Variants in HSPG2 observed in about 807,000 individuals in gnomAD.
The protein encoded by HSPG2 is basement membrane-specific heparan sulfate proteoglycan core protein.
In HSPG2, 278 loss-of-function variants were observed where a neutral mutation model predicts 526.6. That is an observed-to-expected ratio of 0.53 (90% CI 0.48 to 0.58). HSPG2 has a LOEUF of 0.58. Ranked by LOEUF, HSPG2 falls within the 20% of genes least tolerant of loss-of-function variation. The probability of loss-of-function intolerance (pLI) is 0.00; values close to 1 mark genes in which losing one functional copy is unlikely to be tolerated. For synonymous variants in HSPG2, 2,465 were observed against 2,555.4 expected, an observed-to-expected ratio of 0.96 and a Z score of 1.07; for missense variants, 5,354 against 6,099.5, an observed-to-expected ratio of 0.88 and a Z score of 4.07.
rs752313111 is a variant in HSPG2 at position 21,828,906 on chromosome 1, C to T, written c.12166G>A (p.Gly4056Ser). 2 of 1,559,946 alleles carry T rather than the reference C, an allele frequency of 1.3e-6. No individual in the cohort carries two copies. Among genetic ancestry groups the T allele is most frequent in the Non-Finnish European group, 1.7e-6 (2 of 1,151,912 alleles). Reference sequence around the variant, plus strand: ...GACAGTGGCACGGAAGGCTCCACACCCCCCAGGTAGAGCAGGGTGTGCAGG... The same window carrying T: ...GACAGTGGCACGGAAGGCTCCACACTCCCCAGGTAGAGCAGGGTGTGCAGG... ...LNLHTLLYLG[G>S]VEPSVPLSPA... is the part of the protein sequence containing the mutation. Residue 4056 changes from glycine (G) to serine (S), a missense_variant, in exon 88 of 97, where the codon GGT (glycine) becomes AGT (serine). Gly to Ser is a moderately conservative substitution (Grantham distance 56). Transcript: ENST00000374695. The surrounding 1 kb of genome is among the most constrained non-coding windows in gnomAD (Gnocchi z 6.0).
At chr1:21,840,213 T>C (rs2098043166) in intron 71 of HSPG2, among the ~76,000 whole-genome samples, 196 bp from the exon 72 acceptor site, 5 of 152,282 alleles carry the variant, frequency 3.3e-5, no homozygotes, top group Admixed American at 2.6e-4. Context: ...ATCTGGCTCA[T>C]TGCAACCTCT....
intron 1 of HSPG2, among the ~76,000 whole-genome samples, chr1:21,934,206 G>A (rs970581401): frequency 6.6e-6 from 1 of 152,234 alleles, no homozygotes; most frequent in African/African-American, 2.4e-5. Context: ...GCTCCCTAAG[G>A]CCCATCTCAC....
In HSPG2 at chr1:21,848,478, C is replaced by A. The variant is rs762636181; in HGVS notation, c.7737+165G>T. Reference sequence around the variant, plus strand: ...AGTGGATCTCCCTGAGGTCAGGGAGCCTTATTTCTGTATTCTCAGCACTGG... The same window carrying A: ...AGTGGATCTCCCTGAGGTCAGGGAGACTTATTTCTGTATTCTCAGCACTGG... On this transcript the variant is annotated intron_variant, in intron 59 of 96. Transcript: ENST00000374695. The surrounding 1 kb of genome is among the most constrained non-coding windows in gnomAD (Gnocchi z 4.9). 1.3e-5 allele frequency among the ~76,000 whole-genome samples: 2 copies of A among 152,030 alleles called. No homozygotes were observed. The highest frequency in any genetic ancestry group is 2.4e-5 in the African/African-American group (1 of 41,382).
Position 21,847,373 on chromosome 1 carries a change from A to G in HSPG2, c.8145T>C (p.Pro2715=). 6.2e-7 allele frequency: 1 copy of G among 1,613,866 alleles called. No homozygotes were observed. Among genetic ancestry groups the G allele is most frequent in the Non-Finnish European group, 8.5e-7 (1 of 1,180,002 alleles). ...LEASIVISVS[P]SAGSPSAPGS... is the part of the protein sequence containing the mutation. The stretch of plus-strand genomic sequence containing the variant: ...ACTCACCGGAGGGGCTGCCGGCGCT[A>G]GGGGAGACGGAGATGACGATGGAGG... Residue 2715 remains proline (P), a synonymous_variant, in exon 62 of 97, where the codon CCT becomes CCC. Coordinates refer to ENST00000374695, the MANE Select transcript of HSPG2 (RefSeq NM_005529.7). The surrounding 1 kb of genome is among the most constrained non-coding windows in gnomAD (Gnocchi z 4.1).
chr1:21,869,666 G>C, intron 33 of HSPG2: 3 of 986,006 alleles, frequency 3.0e-6, no homozygotes, highest in Non-Finnish European at 3.6e-6. Context: ...TCGTCCACCT[G>C]GGGGACCAGG....
In HSPG2 at chr1:21,833,586, C is replaced by A; in HGVS notation, c.10859G>T (p.Arg3620Leu). 3 of 1,614,068 alleles carry A rather than the reference C, an allele frequency of 1.9e-6. No individual in the cohort carries two copies. The highest frequency in any genetic ancestry group is 2.5e-6 in the Non-Finnish European group (3 of 1,180,002). ...KLDGSLPPDSRLENNMLMLPS... is the reference protein window; with the variant it reads ...KLDGSLPPDSLLENNMLMLPS... ...CAGCATCAGCATGTTGTTCTCCAGG[C>A]GGCTGTCAGGTGGCAGGCTGCCATC... The change falls in exon 79 of 97, where the codon CGC (arginine) becomes CTC (leucine). Residue 3620 changes from arginine (R) to leucine (L), a missense_variant. By Grantham distance (102) the Arg-to-Leu change is moderately radical (BLOSUM62 -2). Coordinates refer to ENST00000374695, the MANE Select transcript of HSPG2 (RefSeq NM_005529.7).
rs762443386 is a variant in HSPG2, at chr1:21,874,456, T to C, written c.3606A>G (p.Thr1202=). The change falls in exon 28 of 97, where the codon ACA becomes ACG. Residue 1202 remains threonine (T), a synonymous_variant. Transcript: ENST00000374695. ...PGYYGDAQRG[T]PQDCQLCPCY... Reference sequence around the variant, plus strand: ...AGGGGCACAGCTGGCAGTCCTGTGGTGTCCCCCGCTGGGCGTCCCCGTAGT... The same window carrying C: ...AGGGGCACAGCTGGCAGTCCTGTGGCGTCCCCCGCTGGGCGTCCCCGTAGT... 4 of 1,612,082 alleles carry C rather than the reference T, an allele frequency of 2.5e-6. No individual in the cohort carries two copies. In the Admixed American group the frequency reaches 6.7e-5, roughly 27 times the overall value.
rs755849389 is a variant in HSPG2 at position 21,823,688 on chromosome 1, C to A, written c.12931G>T (p.Gly4311Cys). ...EGRRGSIQVD[G>C]EELVSGRSPG... ...GACCGGCCGCTGACCAGCTCCTCAC[C>A]GTCGACTTGGATGGAACCTCTGCGG... is the stretch of plus-strand genomic sequence containing the variant. The change falls in exon 96 of 97, where the codon GGT becomes TGT. Residue 4311 changes from glycine (G) to cysteine (C), a missense_variant. By Grantham distance (159) the Gly-to-Cys change is radical (BLOSUM62 -3). Transcript: ENST00000374695. 2 of 1,613,668 alleles carry A rather than the reference C, an allele frequency of 1.2e-6. No individual in the cohort carries two copies. Among genetic ancestry groups the A allele is most frequent in the Non-Finnish European group, 1.7e-6 (2 of 1,180,008 alleles).
At position 21,890,790 on chromosome 1, in the gene HSPG2, C is replaced by G. The variant is rs949293493; in HGVS notation, c.245-96G>C. The G allele has an allele frequency of 9.0e-6, 8 of 886,132 alleles. No homozygotes were observed. The highest frequency in any genetic ancestry group is 1.5e-5 in the Non-Finnish European group (8 of 541,416). The allele number at this position is 886,132 out of a possible 1,614,324, so 54.9% of individuals were successfully genotyped here. A position where few individuals can be genotyped will look rare whatever the true frequency, so the allele number is the denominator to read the frequency against. On this transcript the variant is annotated intron_variant, in intron 3 of 96. Transcript: ENST00000374695. The surrounding 1 kb of genome is among the most constrained non-coding windows in gnomAD (Gnocchi z 4.1). The stretch of plus-strand genomic sequence containing the variant: ...TTCAGGCAGAGTTGGGGGGATGGCC[C>G]CCAGAGGCCTCCCTCGAGGCTGACA...
intron 1 of HSPG2, among the ~76,000 whole-genome samples, chr1:21,903,229 C>T (rs1015671003): frequency 2.6e-5 from 4 of 152,240 alleles, no homozygotes; most frequent in African/African-American, 7.2e-5. Context: ...CTAGGTCACA[C>T]GGGCCCTGAA....
chr1:21,830,074 C>T lies in HSPG2; in HGVS notation c.11689G>A (p.Ala3897Thr), dbSNP rs545391821. 26 of 1,599,924 alleles carry T rather than the reference C, an allele frequency of 1.6e-5. No individual in the cohort carries two copies. In the East Asian group the frequency reaches 2.0e-4, roughly 12 times the overall value. Residue 3897 changes from alanine (A) to threonine (T), a missense_variant, in exon 86 of 97, where the codon GCC (alanine) becomes ACC (threonine). Ala to Thr is a moderately conservative substitution (Grantham distance 58, BLOSUM62 0). Coordinates refer to ENST00000374695, the MANE Select transcript of HSPG2 (RefSeq NM_005529.7). ...CCGTCAGGCCGGTTCACACAGGTGG[C>T]GTCGGGCCCACAGGCCTCTGGGGGG... Reference protein sequence around the residue: ...HCHPEACGPDATCVNRPDGRG... With the variant: ...HCHPEACGPDTTCVNRPDGRG...
Position 21,862,054 on chromosome 1 carries a change from T to A in HSPG2, c.4802A>T (p.Asp1601Val), listed in dbSNP as rs1639830827. The A allele has an allele frequency of 6.2e-7, 1 of 1,614,146 alleles. No homozygotes were observed. Among genetic ancestry groups the A allele is most frequent in the Non-Finnish European group, 8.5e-7 (1 of 1,180,018 alleles). The change falls in exon 38 of 97, where the codon GAT becomes GTT. Residue 1601 changes from aspartate to valine, a missense_variant. Coordinates refer to ENST00000374695, the MANE Select transcript of HSPG2 (RefSeq NM_005529.7). ...GTCCTCAGGCGTCCCGGCTGTGGCA[T>A]CTCCGTAGTAGCCAGGGGCACAAAG... ...CELCAPGYYG[D>V]ATAGTPEDCQ...
In HSPG2 at chr1:21,895,348, G is replaced by C. The variant is rs573103606; in HGVS notation, c.244+574C>G. On this transcript the variant is annotated intron_variant, in intron 3 of 96. Coordinates refer to ENST00000374695, the MANE Select transcript of HSPG2 (RefSeq NM_005529.7). The surrounding 1 kb of genome is among the most constrained non-coding windows in gnomAD (Gnocchi z 4.1). ...AGTGCTGGGCCAGTCTGACCAGGGT[G>C]GGGGCTGACTCTCCTCCCTCCAAGA... Among the ~76,000 whole-genome samples the C allele has an allele frequency of 2.6e-5, 4 of 152,178 alleles. No homozygotes were observed. Among genetic ancestry groups the C allele is most frequent in the Non-Finnish European group, 4.4e-5 (3 of 68,010 alleles).
intron 1 of HSPG2, among the ~76,000 whole-genome samples, chr1:21,934,576 C>T (rs1268422544): frequency 6.8e-6 from 1 of 145,996 alleles, no homozygotes; most frequent in African/African-American, 2.5e-5. Flanking sequence ...TGAGACCAGC[C>T]TGGGCAACAA....
At chr1:21,908,715 C>T (rs1218742893) in intron 1 of HSPG2, 2 of 505,644 alleles carry the variant, frequency 4.0e-6, no homozygotes, top group Non-Finnish European at 6.9e-6. Context: ...CTTAAACGAC[C>T]CCAAAGCTTC....
At chr1:21,906,972 G>T (rs1228519871) in intron 1 of HSPG2, among the ~76,000 whole-genome samples, 1 of 152,184 alleles carries the variant, frequency 6.6e-6, no homozygotes, top group East Asian at 1.9e-4. Flanking sequence ...AAGGCCCCAT[G>T]GAAGGAAAAG....
intron 69 of HSPG2, 97 bp from the exon 70 acceptor site, chr1:21,841,770 C>T (rs2098049516): frequency 6.7e-7 from 1 of 1,503,518 alleles, no homozygotes; most frequent in Non-Finnish European, 9.2e-7. Context: ...CTTCCCCAAT[C>T]CCTCCGGCCT....
Position 21,841,152 on chromosome 1 carries a change from G to A in HSPG2, c.9462C>T (p.Ala3154=). Residue 3154 remains alanine (A), a synonymous_variant, in exon 71 of 97, where the codon GCC becomes GCT. Coordinates refer to ENST00000374695, the MANE Select transcript of HSPG2 (RefSeq NM_005529.7). ...GCCCATATGTCCGCTGCTCCAACTTGGCAGGGGTGCTGCTGATCCGGGTCC... is the reference window on the plus strand; with the variant it reads ...GCCCATATGTCCGCTGCTCCAACTTAGCAGGGGTGCTGCTGATCCGGGTCC... ...ARWTRISSTP[A]KLEQRTYGLM... 2 of 1,613,698 alleles carry A rather than the reference G, an allele frequency of 1.2e-6. No homozygotes were observed. The highest frequency in any genetic ancestry group is 1.7e-6 in the Non-Finnish European group (2 of 1,179,998).
Position 21,846,529 on chromosome 1 carries a change from A to G in HSPG2, c.8235T>C (p.Asp2745=). The change falls in exon 63 of 97, where the codon GAT becomes GAC. Residue 2745 remains aspartate (D), a synonymous_variant. Transcript: ENST00000374695. The part of the protein sequence containing the change: ...SSHVAEGETL[D]LNCVVPGQAH... ...CCTGCCCGGGGACCACGCAGTTCAGATCCAGGGTCTCCCCTTCGGCCACGT... is the reference window on the plus strand; with the variant it reads ...CCTGCCCGGGGACCACGCAGTTCAGGTCCAGGGTCTCCCCTTCGGCCACGT... The G allele has an allele frequency of 6.2e-7, 1 of 1,613,752 alleles. No individual in the cohort carries two copies. The highest frequency in any genetic ancestry group is 8.5e-7 in the Non-Finnish European group (1 of 1,180,036).
Sources: gnomAD v4.1 joint callset for allele counts (sites outside exome capture counted in the v4.1 genomes callset) on GRCh38, gnomAD v4.1.1 for gene constraint, Gnocchi (gnomAD v3.1) non-coding constraint, MANE v1.5 for transcripts, NCBI Gene and HGNC (gene_info 2026-07-23, HGNC 2026-07-21) for gene names.